The following ABCC1 variants were observed in gnomAD, a reference collection of about 807,000 sequenced individuals.
ABCC1 encodes the protein multidrug resistance-associated protein 1.
Under a neutral mutation model 172.9 loss-of-function variants are expected in ABCC1, and 83 were observed. The ratio of observed to expected loss-of-function variants is 0.48; its 90% confidence interval spans 0.40 to 0.58. ABCC1 has a LOEUF of 0.58. Among genes scored for constraint, ABCC1 ranks in the 20% least tolerant of loss-of-function variants. The pLI, the probability that ABCC1 is intolerant of heterozygous loss-of-function variation, is 0.00. For synonymous variants in ABCC1, 937 were observed against 825.2 expected, an observed-to-expected ratio of 1.14 and a Z score of -2.32; for missense variants, 1,817 against 2,002.7, an observed-to-expected ratio of 0.91 and a Z score of 1.77.
rs148941617 is a variant in ABCC1, at chr16:15,999,540, G to A, written c.49-8276G>A. Among the ~76,000 whole-genome samples the A allele has an allele frequency of 2.8e-3, 427 of 151,632 alleles. 2 individuals carry two copies. The highest frequency in any genetic ancestry group is 1.0e-2 in the African/African-American group (414 of 41,406). On this transcript the variant is annotated intron_variant, in intron 1 of 30. Transcript: ENST00000399410. The stretch of plus-strand genomic sequence containing the variant: ...TGAGGCAGGAGACTCGTTTGAACCC[G>A]GGAGGCAGAGATTGCGGTGAGCTGA...
At chr16:16,014,660 C>T in intron 4 of ABCC1, 32 bp downstream of exon 4, 1 of 1,610,966 alleles carries the variant, frequency 6.2e-7, no homozygotes, top group Non-Finnish European at 8.5e-7. Flanking sequence ...CATCTTCCTT[C>T]AGTGGACCCG....
At chr16:16,028,714 G>A (rs1567327783) in intron 5 of ABCC1, among the ~76,000 whole-genome samples, 1 of 152,036 alleles carries the variant, frequency 6.6e-6, no homozygotes, top group African/African-American at 2.4e-5. Context: ...TGGGCCTCAT[G>A]TCATTTGTCC....
intron 5 of ABCC1, among the ~76,000 whole-genome samples, chr16:16,020,218 G>A (rs1008759378): frequency 2.0e-5 from 3 of 152,174 alleles, no homozygotes; most frequent in East Asian, 1.9e-4. Flanking sequence ...CACCGTGCCC[G>A]GCTGTGGTCT....
At chr16:15,964,568 A>G (rs2046204754) in intron 1 of ABCC1, among the ~76,000 whole-genome samples, 1 of 152,074 alleles carries the variant, frequency 6.6e-6, no homozygotes, top group Non-Finnish European at 1.5e-5. Context: ...CCAATAACCA[A>G]TGTATTCTTG....
At chr16:16,061,750 A>G (rs1418880282) in intron 12 of ABCC1, among the ~76,000 whole-genome samples, 1 of 150,536 alleles carries the variant, frequency 6.6e-6, no homozygotes, top group Non-Finnish European at 1.5e-5. Context: ...TACATACAAA[A>G]TGGCTTTTTT....
intron 1 of ABCC1, among the ~76,000 whole-genome samples, chr16:15,999,809 C>CCT (rs1555478343): frequency 0.014 from 117 of 8,412 alleles, 17 homozygotes; most frequent in Middle Eastern, 0.12. Flanking sequence ...CTCTCTCTCT[C>CCT]CTCTCTCTCT....
chr16:15,969,119 A>G (rs534063143), intron 1 of ABCC1, among the ~76,000 whole-genome samples: 15 of 152,102 alleles, frequency 9.9e-5, no homozygotes, highest in East Asian at 1.9e-4. Context: ...CATAAGGATC[A>G]CTTGAACCTG....
At chr16:16,024,862 C>G (rs899001868) in intron 5 of ABCC1, among the ~76,000 whole-genome samples, 2 of 152,008 alleles carry the variant, frequency 1.3e-5, no homozygotes, top group Non-Finnish European at 2.9e-5. Flanking sequence ...CAGGATATTC[C>G]CCTGTGCCCA....
At chr16:15,982,081 C>T (rs1162426015) in intron 1 of ABCC1, among the ~76,000 whole-genome samples, 1 of 152,186 alleles carries the variant, frequency 6.6e-6, no homozygotes, top group Non-Finnish European at 1.5e-5. Context: ...TCACTATCAG[C>T]GTTTTGGTCC....
At chr16:16,040,202 C>T (rs958386664) in intron 7 of ABCC1, among the ~76,000 whole-genome samples, 1 of 151,950 alleles carries the variant, frequency 6.6e-6, no homozygotes, top group Admixed American at 6.6e-5. Flanking sequence ...CTCAAGCAGT[C>T]CTCCCACCTC....
In ABCC1 at chr16:16,073,007, A is replaced by T. The variant is rs185725117; in HGVS notation, c.1912+1278A>T. ...CAGTGAGCCAAGATCGCGCCACTGC[A>T]CTCCAGCCAGGGCAAAGAGTGAGAC... On this transcript the variant is annotated intron_variant, in intron 14 of 30. Coordinates refer to ENST00000399410, the MANE Select transcript of ABCC1 (RefSeq NM_004996.4). Among the ~76,000 whole-genome samples, 117 of 149,982 alleles carry T rather than the reference A, an allele frequency of 7.8e-4. 2 individuals are homozygous for T. Among genetic ancestry groups the T allele is most frequent in the African/African-American group, 2.3e-3 (92 of 40,740 alleles).
chr16:16,038,055 T>A (rs1209545812), intron 7 of ABCC1, among the ~76,000 whole-genome samples: 1 of 151,888 alleles, frequency 6.6e-6, no homozygotes, highest in Non-Finnish European at 1.5e-5. Context: ...GATGGATGGA[T>A]GGATGGATAG....
chr16:16,094,292 ACT>A (rs1291549577), intron 19 of ABCC1: 3 of 263,346 alleles, frequency 1.1e-5, no homozygotes, highest in South Asian at 4.2e-5. Flanking sequence ...GTTCAGTGTG[ACT>A]CTCTGTATTT....
At position 16,134,496 on chromosome 16, in the gene ABCC1, C is replaced by T. The variant is rs767287937; in HGVS notation, c.4113C>T (p.Thr1371=). 46 of 1,614,062 alleles carry T rather than the reference C, an allele frequency of 2.8e-5. No homozygotes were observed. The highest frequency in any genetic ancestry group is 3.9e-5 in the Non-Finnish European group (46 of 1,180,048). The change falls in exon 28 of 31, where the codon ACC becomes ACT. Residue 1371 remains threonine (T), a synonymous_variant. Coordinates refer to ENST00000399410, the MANE Select transcript of ABCC1 (RefSeq NM_004996.4). ...TGCACGACCTCCGCTTCAAGATCAC[C>T]ATCATCCCCCAGGTGGGGTCTGGGT... ...IGLHDLRFKI[T]IIPQDPVLFS...
At chr16:15,997,095 T>C (rs1484635686) in intron 1 of ABCC1, among the ~76,000 whole-genome samples, 3 of 146,874 alleles carry the variant, frequency 2.0e-5, no homozygotes, top group African/African-American at 4.9e-5. Context: ...CGCTTTCTCT[T>C]TTTTTTTTTT....
chr16:16,134,105 T>C (rs891058770), intron 27 of ABCC1, among the ~76,000 whole-genome samples: 1 of 152,178 alleles, frequency 6.6e-6, no homozygotes, highest in African/African-American at 2.4e-5. Context: ...TTGAGGTCTC[T>C]AGTAACTTAT....
At chr16:16,125,943 TCTTTGGTGTAG>T in intron 26 of ABCC1, 32 bp downstream of exon 26, 1 of 1,564,192 alleles carries the variant, frequency 6.4e-7, no homozygotes, top group Non-Finnish European at 8.8e-7. Context: ...GACCTCTTGG[TCTTTGGTGTAG>T]CTTTACCCCA....
intron 1 of ABCC1, among the ~76,000 whole-genome samples, chr16:15,950,753 G>C (rs1425251789): frequency 1.3e-5 from 2 of 152,150 alleles, no homozygotes; most frequent in Non-Finnish European, 2.9e-5. Context: ...GGACACGACT[G>C]TTTCTCTCTC....
chr16:16,111,774 T>C (rs2052399225), intron 22 of ABCC1, among the ~76,000 whole-genome samples, 192 bp downstream of exon 22: 1 of 152,182 alleles, frequency 6.6e-6, no homozygotes, highest in Non-Finnish European at 1.5e-5. Context: ...TTTGTTCATA[T>C]GGGCCTTGGT....
Sources: gnomAD v4.1 joint callset for allele counts (sites outside exome capture counted in the v4.1 genomes callset) on GRCh38, gnomAD v4.1.1 for gene constraint, MANE v1.5 for transcripts, NCBI Gene and HGNC (gene_info 2026-07-23, HGNC 2026-07-21) for gene names.